Variants in CDKAL1 observed in about 807,000 individuals in gnomAD.
CDKAL1 encodes CDKAL1 threonylcarbamoyladenosine tRNA methylthiotransferase.
CDKAL1 carries 32 observed loss-of-function variants against 68.2 expected under a neutral mutation model. That is an observed-to-expected ratio of 0.47 (90% confidence interval 0.35 to 0.63). The LOEUF (loss-of-function observed/expected upper bound fraction) is 0.63. Ranked by LOEUF, CDKAL1 falls within the 30% of genes least tolerant of loss-of-function variation. The probability of loss-of-function intolerance (pLI) is 0.00; values close to 1 mark genes in which losing one functional copy is unlikely to be tolerated. For missense variants in CDKAL1, 606 were observed against 696.7 expected (o/e 0.87, Z 1.47); for synonymous variants, 234 against 244.3 (o/e 0.96, Z 0.39).
chr6:21,022,769 A>G (rs1768740069), intron 11 of CDKAL1, among the ~76,000 whole-genome samples: 2 of 152,166 alleles, frequency 1.3e-5, no homozygotes, highest in African/African-American at 4.8e-5. Context: ...CACAGGCCTG[A>G]GGAACTGCCA....
chr6:20,618,894 G>T (rs1767052522), intron 4 of CDKAL1, among the ~76,000 whole-genome samples: 1 of 152,068 alleles, frequency 6.6e-6, no homozygotes, highest in South Asian at 2.1e-4. Context: ...GCCTGGGCTG[G>T]TCTTGAACTC....
At chr6:21,123,530 G>T (rs757160562) in intron 13 of CDKAL1, among the ~76,000 whole-genome samples, 1 of 152,176 alleles carries the variant, frequency 6.6e-6, no homozygotes, top group Non-Finnish European at 1.5e-5. Flanking sequence ...GTGGATATTG[G>T]TGCCTTAAGT....
intron 9 of CDKAL1, among the ~76,000 whole-genome samples, chr6:20,875,351 T>C (rs9350296): frequency 0.4 from 57,941 of 145,988 alleles, 11,798 homozygotes; most frequent in Non-Finnish European, 0.44. Context: ...TTTTGATAAG[T>C]AGGTGGCAAG....
chr6:20,748,555 G>GGAA lies in CDKAL1; in HGVS notation c.468+8940_468+8941insGAA, dbSNP rs1773766913. 3.5e-4 allele frequency among the ~76,000 whole-genome samples: 10 copies of GGAA among 28,770 alleles called. 1 individual carries two copies. Among genetic ancestry groups the GGAA allele is most frequent in the Admixed American group, 9.6e-4 (2 of 2,086 alleles). 18.9% of individuals were successfully genotyped at this position (28,770 alleles called of 152,430 possible). The stretch of plus-strand genomic sequence containing the variant: ...GAAAGAGAGCAAGACTCTGTTTCTG[G>GGAA]AAAAAAAAAAAAAAAAAAAAAAAAA... On this transcript the variant is annotated intron_variant, in intron 6 of 15. Coordinates refer to ENST00000274695, the MANE Select transcript of CDKAL1 (RefSeq NM_017774.3).
intron 12 of CDKAL1, among the ~76,000 whole-genome samples, chr6:21,078,027 A>C (rs1040109658): frequency 1.3e-5 from 2 of 152,180 alleles, no homozygotes; most frequent in Non-Finnish European, 2.9e-5. Context: ...GGTGGCCTTT[A>C]GAAGCTGGAA....
intron 4 of CDKAL1, among the ~76,000 whole-genome samples, chr6:20,609,604 C>G (rs887727474): frequency 2.6e-5 from 4 of 151,856 alleles, no homozygotes; most frequent in Non-Finnish European, 5.9e-5. Context: ...CCATGTTGTT[C>G]AGGCTGGTCT....
intron 13 of CDKAL1, among the ~76,000 whole-genome samples, chr6:21,188,961 C>G (rs1026504281): frequency 1.3e-5 from 2 of 152,278 alleles, no homozygotes; most frequent in South Asian, 4.1e-4. Context: ...TGACGCCAGG[C>G]AGGAAGGCAT....
At chr6:21,048,773 C>A (rs185918732) in intron 11 of CDKAL1, among the ~76,000 whole-genome samples, 2 of 151,378 alleles carry the variant, frequency 1.3e-5, no homozygotes, top group Non-Finnish European at 2.9e-5. Context: ...TATGTTTTCC[C>A]ATTAAAGAAT....
chr6:21,082,905 G>A (rs1176558539), intron 12 of CDKAL1, among the ~76,000 whole-genome samples: 6 of 136,850 alleles, frequency 4.4e-5, no homozygotes, highest in South Asian at 2.2e-4. Context: ...ACAGGGTCTC[G>A]TTCTGTTGCC....
intron 4 of CDKAL1, among the ~76,000 whole-genome samples, chr6:20,594,402 G>C (rs1019473232): frequency 2.0e-5 from 3 of 152,162 alleles, no homozygotes; most frequent in Admixed American, 6.5e-5. Context: ...AGCTCTTCTT[G>C]TTGCGTTGAT....
At chr6:20,717,748 T>C (rs1195341547) in intron 5 of CDKAL1, among the ~76,000 whole-genome samples, 1 of 152,178 alleles carries the variant, frequency 6.6e-6, no homozygotes, top group Non-Finnish European at 1.5e-5. Context: ...ACAGGTAGAG[T>C]TGAGTTTCCC....
chr6:20,881,141 A>G (rs1240676309), intron 9 of CDKAL1, among the ~76,000 whole-genome samples: 2 of 152,226 alleles, frequency 1.3e-5, no homozygotes, highest in Admixed American at 1.3e-4. Context: ...GTTCTCAAAC[A>G]TTAAGGAACA....
Position 21,232,009 on chromosome 6 carries a change from G to GTTTTTT in CDKAL1, c.*980_*985dup, listed in dbSNP as rs1554200387. 3 of 131,780 alleles carry GTTTTTT rather than the reference G, an allele frequency of 2.3e-5. No individual in the cohort carries two copies. The highest frequency in any genetic ancestry group is 7.9e-5 in the Admixed American group (1 of 12,624). The allele number at this position is 131,780 out of a possible 1,614,324, so 8.2% of individuals were successfully genotyped here. On this transcript the variant is annotated 3_prime_UTR_variant, in exon 16 of 16. Coordinates refer to ENST00000274695, the MANE Select transcript of CDKAL1 (RefSeq NM_017774.3). ...CCATTGGGGTTTTTTTTTTGTTTTT[G>GTTTTTT]TTTTTTTTTTTTTTTGAGTCAAGGT...
chr6:20,683,592 T>C (rs1770481751), intron 5 of CDKAL1, among the ~76,000 whole-genome samples: 1 of 152,170 alleles, frequency 6.6e-6, no homozygotes, highest in African/African-American at 2.4e-5. Flanking sequence ...CACAGCAAAA[T>C]TGAGAGGAAG....
chr6:20,961,790 CA>C (rs778085781), intron 10 of CDKAL1, among the ~76,000 whole-genome samples: 2 of 119,286 alleles, frequency 1.7e-5, no homozygotes, highest in South Asian at 2.9e-4. Flanking sequence ...AAAAGAAAAA[CA>C]AAAAAAAAAC....
At chr6:20,933,613 T>C (rs989645223) in intron 9 of CDKAL1, among the ~76,000 whole-genome samples, 8 of 152,220 alleles carry the variant, frequency 5.3e-5, no homozygotes, top group African/African-American at 1.7e-4. Flanking sequence ...ACATGTAGAC[T>C]GATGGGTAAT....
intron 10 of CDKAL1, among the ~76,000 whole-genome samples, chr6:20,956,348 G>A (rs1764775713): frequency 6.6e-6 from 1 of 152,124 alleles, no homozygotes. Context: ...GGTAACTGTG[G>A]TACCTGAAGG....
At chr6:20,591,214 T>C (rs1047890142) in intron 4 of CDKAL1, among the ~76,000 whole-genome samples, 3 of 152,192 alleles carry the variant, frequency 2.0e-5, no homozygotes, top group Non-Finnish European at 4.4e-5. Flanking sequence ...ATTTTTTTCT[T>C]GTATATTTGT....
At chr6:20,867,838 A>G (rs570707168) in intron 9 of CDKAL1, among the ~76,000 whole-genome samples, 70 of 152,308 alleles carry the variant, frequency 4.6e-4, no homozygotes, top group Non-Finnish European at 8.8e-4. Flanking sequence ...CAAAAGCTTC[A>G]TAATTACCTG....
Sources: gnomAD v4.1 joint callset for allele counts (sites outside exome capture counted in the v4.1 genomes callset) on GRCh38, gnomAD v4.1.1 for gene constraint, MANE v1.5 for transcripts, NCBI Gene and HGNC (gene_info 2026-07-23, HGNC 2026-07-21) for gene names.